The following AGPAT5 variants were observed in gnomAD, a reference collection of about 807,000 sequenced individuals.
AGPAT5 encodes the protein 1-acylglycerol-3-phosphate O-acyltransferase 5.
AGPAT5 carries 46 observed loss-of-function variants against 45.6 expected under a neutral mutation model. That is an observed-to-expected ratio of 1.01 (90% CI 0.80 to 1.29). The LOEUF is 1.29. AGPAT5 is among the 50% of genes most tolerant of loss of function. The probability of loss-of-function intolerance (pLI) is 0.00; values close to 1 mark genes in which losing one functional copy is unlikely to be tolerated. For synonymous variants in AGPAT5, 272 were observed against 167.0 expected (o/e 1.63, Z -4.85); for missense variants, 673 against 450.7 (o/e 1.49, Z -4.47).
chr8:6,736,974 G>A (rs188426608), intron 4 of AGPAT5, among the ~76,000 whole-genome samples: 3 of 152,322 alleles, frequency 2.0e-5, no homozygotes, highest in Admixed American at 2.0e-4. Context: ...CTTAATTTCA[G>A]TCTTAACATC....
intron 5 of AGPAT5, among the ~76,000 whole-genome samples, chr8:6,746,903 A>C (rs1021667618): frequency 6.6e-6 from 1 of 152,240 alleles, no homozygotes; most frequent in Non-Finnish European, 1.5e-5. Context: ...AGAGAAGAAC[A>C]AATCCTTAAC....
In AGPAT5 at chr8:6,760,418, A is replaced by C. The variant is rs1801996267; in HGVS notation, c.*3030A>C. ...AACTCTTAGAAAATGAAAAGGAAATATAGAAATATAAAATTTGCTTATTAT... is the reference window on the plus strand; with the variant it reads ...AACTCTTAGAAAATGAAAAGGAAATCTAGAAATATAAAATTTGCTTATTAT... On this transcript the variant is annotated 3_prime_UTR_variant, in exon 8 of 8. Transcript: ENST00000285518. Among the ~76,000 whole-genome samples the C allele has an allele frequency of 6.6e-6, 1 of 152,178 alleles. No individual in the cohort carries two copies. The highest frequency in any genetic ancestry group is 1.5e-5 in the Non-Finnish European group (1 of 68,036).
At chr8:6,716,700 G>C (rs925281283) in intron 1 of AGPAT5, among the ~76,000 whole-genome samples, 1 of 152,078 alleles carries the variant, frequency 6.6e-6, no homozygotes, top group African/African-American at 2.4e-5. Context: ...GGGCGTGGTG[G>C]TGCCTGCCTG....
intron 1 of AGPAT5, among the ~76,000 whole-genome samples, chr8:6,714,747 C>G (rs2928621): frequency 0.72 from 109,415 of 152,112 alleles, 39,870 homozygotes; most frequent in African/African-American, 0.82. Context: ...GAACTTCTTA[C>G]AGATCAGTTT....
chr8:6,755,042 C>G lies in AGPAT5; in HGVS notation c.746-9C>G, dbSNP rs907559666. Reference sequence around the variant, plus strand: ...GTAAAAAAAAAGAATTATTTTTGTTCTTTGTTAGAATTTCTCTGCAAAGAA... The same window carrying G: ...GTAAAAAAAAAGAATTATTTTTGTTGTTTGTTAGAATTTCTCTGCAAAGAA... On this transcript the variant is annotated splice_polypyrimidine_tract_variant and intron_variant, in intron 6 of 7. Coordinates refer to ENST00000285518, the MANE Select transcript of AGPAT5 (RefSeq NM_018361.5). 7 of 1,563,840 alleles carry G rather than the reference C, an allele frequency of 4.5e-6. No individual in the cohort carries two copies. Among genetic ancestry groups the G allele is most frequent in the Middle Eastern group, 3.4e-4 (2 of 5,894 alleles).
At chr8:6,756,760 C>T (rs892172588) in intron 7 of AGPAT5, among the ~76,000 whole-genome samples, 8 of 152,200 alleles carry the variant, frequency 5.3e-5, no homozygotes, top group East Asian at 3.9e-4. Flanking sequence ...ACAGAGGGAC[C>T]GCTGTCTAAG....
At chr8:6,718,545 G>A (rs553481765) in intron 1 of AGPAT5, among the ~76,000 whole-genome samples, 1 of 152,320 alleles carries the variant, frequency 6.6e-6, no homozygotes, top group Admixed American at 6.5e-5. Context: ...AACATGATCA[G>A]TGGCAAGTTC....
rs755286180 is a variant in AGPAT5 at position 6,708,911 on chromosome 8, TC to T, written c.219+25del. On this transcript the variant is annotated intron_variant, in intron 1 of 7. Coordinates refer to ENST00000285518, the MANE Select transcript of AGPAT5 (RefSeq NM_018361.5). ...AGGTGAGCCGCCTCCCGCTCCCGGGTCTCGGCGTCCACCCGAGCTCCCGGGG... is the reference window on the plus strand; with the variant it reads ...AGGTGAGCCGCCTCCCGCTCCCGGGTTCGGCGTCCACCCGAGCTCCCGGGG... The T allele has an allele frequency of 1.1e-5, 18 of 1,587,152 alleles. No homozygotes were observed. In the South Asian group the frequency reaches 1.8e-4, roughly 16 times the overall value.
At chr8:6,730,035 A>G (rs1800810352) in intron 2 of AGPAT5, among the ~76,000 whole-genome samples, 1 of 152,114 alleles carries the variant, frequency 6.6e-6, no homozygotes, top group Non-Finnish European at 1.5e-5. Flanking sequence ...CACACTGAAT[A>G]TTTAGTGGCA....
At position 6,760,262 on chromosome 8, in the gene AGPAT5, G is replaced by A. The variant is rs567853630; in HGVS notation, c.*2874G>A. Among the ~76,000 whole-genome samples the A allele has an allele frequency of 7.2e-5, 11 of 152,164 alleles. No homozygotes were observed. The highest frequency in any genetic ancestry group is 1.9e-4 in the African/African-American group (8 of 41,516). Reference sequence around the variant, plus strand: ...AAAAAAATTAGCCAGGCATGGTGGCGTACACTGAGTAGTTTGTCCCAGCTA... The same window carrying A: ...AAAAAAATTAGCCAGGCATGGTGGCATACACTGAGTAGTTTGTCCCAGCTA... On this transcript the variant is annotated 3_prime_UTR_variant, in exon 8 of 8. Coordinates refer to ENST00000285518, the MANE Select transcript of AGPAT5 (RefSeq NM_018361.5).
At chr8:6,754,017 C>T (rs1448684459) in intron 6 of AGPAT5, among the ~76,000 whole-genome samples, 2 of 152,196 alleles carry the variant, frequency 1.3e-5, no homozygotes, top group African/African-American at 2.4e-5. Context: ...TCTCAGAACA[C>T]GTCTTTGAAC....
intron 5 of AGPAT5, among the ~76,000 whole-genome samples, chr8:6,744,529 G>C (rs754282755): frequency 6.6e-6 from 1 of 152,178 alleles, no homozygotes; most frequent in Admixed American, 6.5e-5. Flanking sequence ...GGGGGATCTT[G>C]TTCTCCTGTA....
At chr8:6,741,541 T>C (rs1397343130) in intron 4 of AGPAT5, 120 bp from the exon 5 acceptor site, 4 of 618,606 alleles carry the variant, frequency 6.5e-6, no homozygotes, top group South Asian at 2.6e-5. Flanking sequence ...TAAATAAATA[T>C]ACATTTTCTC....
intron 6 of AGPAT5, among the ~76,000 whole-genome samples, chr8:6,749,230 G>A (rs994983416): frequency 1.3e-5 from 2 of 152,200 alleles, no homozygotes; most frequent in Non-Finnish European, 2.9e-5. Context: ...TTGACTGAAA[G>A]AGAGAGCAGC....
intron 1 of AGPAT5, among the ~76,000 whole-genome samples, chr8:6,721,880 CAG>C (rs1463804304): frequency 2.6e-5 from 4 of 151,898 alleles, no homozygotes; most frequent in African/African-American, 9.7e-5. Flanking sequence ...TTTAAAGAGA[CAG>C]GGGTCTTGCT....
chr8:6,724,444 G>GA (rs1800614587), intron 1 of AGPAT5, among the ~76,000 whole-genome samples: 1 of 151,964 alleles, frequency 6.6e-6, no homozygotes, highest in African/African-American at 2.4e-5. Context: ...CCTGAAAAAA[G>GA]AAAAAACAAA....
Position 6,757,697 on chromosome 8 carries a change from G to A in AGPAT5, c.*309G>A, listed in dbSNP as rs1020376968. The A allele has an allele frequency of 4.3e-6, 1 of 230,206 alleles. No homozygotes were observed. Among genetic ancestry groups the A allele is most frequent in the Non-Finnish European group, 8.4e-6 (1 of 118,616 alleles). 14.3% of individuals were successfully genotyped at this position (230,206 alleles called of 1,614,324 possible). On this transcript the variant is annotated 3_prime_UTR_variant, in exon 8 of 8. Coordinates refer to ENST00000285518, the MANE Select transcript of AGPAT5 (RefSeq NM_018361.5). Reference sequence around the variant, plus strand: ...GGAGGATTGTGTATTTTGCAAGTCAGATGGCTGCATTTTTGAGCATTAATT... The same window carrying A: ...GGAGGATTGTGTATTTTGCAAGTCAAATGGCTGCATTTTTGAGCATTAATT...
chr8:6,748,143 G>A (rs1420198909), intron 6 of AGPAT5, among the ~76,000 whole-genome samples: 4 of 152,082 alleles, frequency 2.6e-5, no homozygotes, highest in Admixed American at 1.3e-4. Flanking sequence ...AGCACGCCCG[G>A]CAGTACTGAG....
At position 6,757,548 on chromosome 8, in the gene AGPAT5, G is replaced by A; in HGVS notation, c.*160G>A. The A allele has an allele frequency of 1.6e-6, 1 of 626,362 alleles. No individual in the cohort carries two copies. The highest frequency in any genetic ancestry group is 2.7e-6 in the Non-Finnish European group (1 of 364,578). The allele number at this position is 626,362 out of a possible 1,614,324, so 38.8% of individuals were successfully genotyped here. On this transcript the variant is annotated 3_prime_UTR_variant, in exon 8 of 8. Transcript: ENST00000285518. ...TTTGTGACGAAAGCTGATATGCAAT[G>A]GTCTTGGGCAAACATACCTGGTTGT...
Sources: allele counts gnomAD v4.1 joint callset (sites outside exome capture counted in the v4.1 genomes callset), GRCh38; gene constraint gnomAD v4.1.1; transcripts MANE v1.5; gene names NCBI Gene and HGNC (gene_info 2026-07-23, HGNC 2026-07-21).